Variants in AQP3 observed in about 807,000 individuals in gnomAD.
AQP3 encodes the protein aquaporin-3.
AQP3 carries 15 observed loss-of-function variants against 30.3 expected under a neutral mutation model. That is an observed-to-expected ratio of 0.49 (90% CI 0.33 to 0.76). The LOEUF (loss-of-function observed/expected upper bound fraction) is 0.76. Among genes scored for constraint, AQP3 ranks in the 30% least tolerant of loss-of-function variants. AQP3 has a pLI of 0.02. For missense variants in AQP3, 272 were observed against 384.8 expected, an observed-to-expected ratio of 0.71 and a Z score of 2.45; for synonymous variants, 153 against 163.2, an observed-to-expected ratio of 0.94 and a Z score of 0.47.
chr9:33,443,499 C>A lies in AQP3; in HGVS notation c.236-41G>T, dbSNP rs765905279. On this transcript the variant is annotated intron_variant, in intron 2 of 5. Coordinates refer to ENST00000297991, the MANE Select transcript of AQP3 (RefSeq NM_004925.5). The surrounding 1 kb of genome is among the most constrained non-coding windows in gnomAD (Gnocchi z 5.0). ...AAGGGACCTATTAGCTGCAGCCTGC[C>A]ACAGTCGGCAGGCTAGGGTCCCCTG... 2.5e-6 allele frequency: 4 copies of A among 1,601,496 alleles called. No homozygotes were observed. Among genetic ancestry groups the A allele is most frequent in the Non-Finnish European group, 3.4e-6 (4 of 1,174,312 alleles).
chr9:33,442,842 C>T lies in AQP3; in HGVS notation c.492+10G>A. The stretch of plus-strand genomic sequence containing the variant: ...TCCCTGCGTTCCCCTCACACGTCCC[C>T]AGCCCATACCTGGTCAAAGAAGCCA... On this transcript the variant is annotated intron_variant, in intron 4 of 5. Coordinates refer to ENST00000297991, the MANE Select transcript of AQP3 (RefSeq NM_004925.5). 1 of 1,612,376 alleles carries T rather than the reference C, an allele frequency of 6.2e-7. No homozygotes were observed. Among genetic ancestry groups the T allele is most frequent in the Non-Finnish European group, 8.5e-7 (1 of 1,178,376 alleles).
chr9:33,444,863 C>T (rs34391490), intron 1 of AQP3, among the ~76,000 whole-genome samples: 28,048 of 152,042 alleles, frequency 0.18, 2,922 homozygotes, highest in African/African-American at 0.28. Flanking sequence ...ATTTGGAGGT[C>T]CTACAGACAG....
Position 33,441,858 on chromosome 9 carries a change from T to A in AQP3, c.*185A>T. ...CCACCCCAGCTTAGGGGCAGTGGCC[T>A]AAGGTGCTATTTGGGCAAGGTCCAG... is the stretch of plus-strand genomic sequence containing the variant. On this transcript the variant is annotated 3_prime_UTR_variant, in exon 6 of 6. Coordinates refer to ENST00000297991, the MANE Select transcript of AQP3 (RefSeq NM_004925.5). The A allele has an allele frequency of 1.1e-6, 1 of 950,240 alleles. No individual in the cohort carries two copies. Among genetic ancestry groups the A allele is most frequent in the South Asian group, 1.6e-5 (1 of 63,788 alleles). 58.9% of individuals were successfully genotyped at this position (950,240 alleles called of 1,614,324 possible).
chr9:33,446,107 CTGGCTGCTCTAAAACAGG>C (rs1826909661), intron 1 of AQP3, among the ~76,000 whole-genome samples: 2 of 152,168 alleles, frequency 1.3e-5, no homozygotes, highest in African/African-American at 4.8e-5. Context: ...CTCCCCTAGC[CTGGCTGCTCTAAAACAGG>C]TGGCTGGACT....
At position 33,443,743 on chromosome 9, in the gene AQP3, TGG is replaced by T; in HGVS notation, c.235+21_235+22del. 6.2e-7 allele frequency: 1 copy of T among 1,613,768 alleles called. No individual in the cohort carries two copies. Among genetic ancestry groups the T allele is most frequent in the South Asian group, 1.1e-5 (1 of 90,954 alleles). On this transcript the variant is annotated intron_variant, in intron 2 of 5. Coordinates refer to ENST00000297991, the MANE Select transcript of AQP3 (RefSeq NM_004925.5). The surrounding 1 kb of genome is among the most constrained non-coding windows in gnomAD (Gnocchi z 5.0). ...GGGAATGCTATTGAGGGCCAAGGGC[TGG>T]GGGCAGGGTTAAGGCCTTACCAGAG...
In AQP3 at chr9:33,442,978, C is replaced by A. The variant is rs1231688623; in HGVS notation, c.374-8G>T. On this transcript the variant is annotated splice_polypyrimidine_tract_variant and splice_region_variant and intron_variant, in intron 3 of 5. Coordinates refer to ENST00000297991, the MANE Select transcript of AQP3 (RefSeq NM_004925.5). ...CGAAGTGCCAGATTGCATCTGGTGA[C>A]AGATTAGACACACAGTGAGTCGGGG... 1 of 1,611,856 alleles carries A rather than the reference C, an allele frequency of 6.2e-7. No homozygotes were observed. Among genetic ancestry groups the A allele is most frequent in the Admixed American group, 1.7e-5 (1 of 60,026 alleles).
chr9:33,444,641 TG>T (rs1267511415), intron 1 of AQP3, among the ~76,000 whole-genome samples: 1 of 147,404 alleles, frequency 6.8e-6, no homozygotes, highest in Admixed American at 6.8e-5. Context: ...GCTCATGTGG[TG>T]GTGGTAGTGG....
chr9:33,447,399 G>T, intron 1 of AQP3, 24 bp downstream of exon 1: 1 of 1,554,600 alleles, frequency 6.4e-7, no homozygotes, highest in Non-Finnish European at 8.8e-7. Flanking sequence ...AGAGAGAAGG[G>T]CTTCCCCGGC....
rs1229815798 is a variant in AQP3 at position 33,441,964 on chromosome 9, G to C, written c.*79C>G. ...CCTGAAAGGGTGGATCGTGAAGGGG[G>C]CTTCTTGGGAGTGGCCCTTGGACAG... is the stretch of plus-strand genomic sequence containing the variant. On this transcript the variant is annotated 3_prime_UTR_variant, in exon 6 of 6. Coordinates refer to ENST00000297991, the MANE Select transcript of AQP3 (RefSeq NM_004925.5). 1.3e-6 allele frequency: 2 copies of C among 1,571,794 alleles called. No homozygotes were observed. Among genetic ancestry groups the C allele is most frequent in the Admixed American group, 3.5e-5 (2 of 57,836 alleles).
intron 1 of AQP3, 120 bp downstream of exon 1, chr9:33,447,303 G>A: frequency 1.1e-6 from 1 of 870,194 alleles, no homozygotes; most frequent in Non-Finnish European, 1.9e-6. Flanking sequence ...TAAGCGTGGG[G>A]GTCACAGCTG....
chr9:33,443,602 C>T lies in AQP3; in HGVS notation c.236-144G>A. ...ACAGGTCAGCTGATAATCTCTGATT[C>T]CAAGGTGAGAGTCGAAAGTTCTAAG... On this transcript the variant is annotated intron_variant, in intron 2 of 5. Transcript: ENST00000297991. This position sits in a 1 kb window ranked among gnomAD's most constrained non-coding sequence, Gnocchi z 5.0. 1 of 1,453,838 alleles carries T rather than the reference C, an allele frequency of 6.9e-7. No individual in the cohort carries two copies. The highest frequency in any genetic ancestry group is 9.4e-7 in the Non-Finnish European group (1 of 1,063,008). 90.1% of individuals were successfully genotyped at this position (1,453,838 alleles called of 1,614,324 possible).
chr9:33,442,788 C>T, intron 4 of AQP3, 64 bp downstream of exon 4: 1 of 1,490,224 alleles, frequency 6.7e-7, no homozygotes, highest in South Asian at 1.1e-5. Context: ...CCCAACCAGC[C>T]CATGAGCTAC....
Position 33,441,633 on chromosome 9 carries a change from T to C in AQP3, c.*410A>G. 2.7e-6 allele frequency: 1 copy of C among 365,668 alleles called. No individual in the cohort carries two copies. Among genetic ancestry groups the C allele is most frequent in the Non-Finnish European group, 4.9e-6 (1 of 202,726 alleles). 22.7% of individuals were successfully genotyped at this position (365,668 alleles called of 1,614,324 possible). On this transcript the variant is annotated 3_prime_UTR_variant, in exon 6 of 6. Transcript: ENST00000297991. The stretch of plus-strand genomic sequence containing the variant: ...CTTATGCACAGATGGACAGGCTGCC[T>C]TCCCCTGTCTCTGGGCTCCCCCAAT...
Position 33,442,327 on chromosome 9 carries a change from A to T in AQP3, c.684T>A (p.Leu228=). ...TGAAGACTGCAGAGCCCCAGCCCGC[A>T]AGGGCTGTAAAAAGGCGGGGGCCAA... ...RDFGPRLFTA[L]AGWGSAVFTT... is the part of the protein sequence containing the mutation. The change falls in exon 5 of 6, where the codon CTT becomes CTA. Residue 228 remains leucine (L), a synonymous_variant. Transcript: ENST00000297991. The T allele has an allele frequency of 6.2e-7, 1 of 1,613,100 alleles. No individual in the cohort carries two copies. The highest frequency in any genetic ancestry group is 8.5e-7 in the Non-Finnish European group (1 of 1,179,686).
At position 33,443,988 on chromosome 9, in the gene AQP3, T is replaced by TG. The variant is rs1826880097; in HGVS notation, c.109-97dup. 6.7e-7 allele frequency: 1 copy of TG among 1,494,532 alleles called. No homozygotes were observed. Among genetic ancestry groups the TG allele is most frequent in the African/African-American group, 1.4e-5 (1 of 72,404 alleles). 92.6% of individuals were successfully genotyped at this position (1,494,532 alleles called of 1,614,324 possible). On this transcript the variant is annotated intron_variant, in intron 1 of 5. Transcript: ENST00000297991. The surrounding 1 kb of genome is among the most constrained non-coding windows in gnomAD (Gnocchi z 5.0). ...CAGCAACATGCCCACTCGCCACCAC[T>TG]GGGAGGACTAGAGGCGCTTCCTGGA...
Position 33,443,569 on chromosome 9 carries a change from T to C in AQP3, c.236-111A>G. Reference sequence around the variant, plus strand: ...GTTTCTTGCACAGGATGGCGGTTGGTCTATGTAACAGGTCAGCTGATAATC... The same window carrying C: ...GTTTCTTGCACAGGATGGCGGTTGGCCTATGTAACAGGTCAGCTGATAATC... On this transcript the variant is annotated intron_variant, in intron 2 of 5. Transcript: ENST00000297991. This position sits in a 1 kb window ranked among gnomAD's most constrained non-coding sequence, Gnocchi z 5.0. The C allele has an allele frequency of 6.7e-7, 1 of 1,484,306 alleles. No homozygotes were observed. Among genetic ancestry groups the C allele is most frequent in the Non-Finnish European group, 9.2e-7 (1 of 1,089,898 alleles). The allele number at this position is 1,484,306 out of a possible 1,614,324, so 91.9% of individuals were successfully genotyped here. A position where few individuals can be genotyped will look rare whatever the true frequency, so the allele number is the denominator to read the frequency against.
intron 4 of AQP3, 88 bp from the exon 5 acceptor site, chr9:33,442,606 A>C: frequency 7.3e-7 from 1 of 1,378,830 alleles, no homozygotes. Flanking sequence ...CTAGCTCTTA[A>C]ACTCTTGTCA....
rs758910108 is a variant in AQP3 at position 33,443,503 on chromosome 9, G to T, written c.236-45C>A. 4 of 1,599,336 alleles carry T rather than the reference G, an allele frequency of 2.5e-6. No homozygotes were observed. In the Admixed American group the frequency reaches 5.2e-5, roughly 21 times the overall value. ...GACCTATTAGCTGCAGCCTGCCACA[G>T]TCGGCAGGCTAGGGTCCCCTGAGAA... On this transcript the variant is annotated intron_variant, in intron 2 of 5. Transcript: ENST00000297991. This position sits in a 1 kb window ranked among gnomAD's most constrained non-coding sequence, Gnocchi z 5.0.
In AQP3 at chr9:33,442,413, GGA is replaced by G; in HGVS notation, c.596_597del (p.Val199AlafsTer112). 1 of 1,611,846 alleles carries G rather than the reference GGA, an allele frequency of 6.2e-7. No homozygotes were observed. Among genetic ancestry groups the G allele is most frequent in the Non-Finnish European group, 8.5e-7 (1 of 1,179,364 alleles). On this transcript the variant is annotated frameshift_variant, in exon 5 of 6. Coordinates refer to ENST00000297991, the MANE Select transcript of AQP3 (RefSeq NM_004925.5). LOFTEE classifies it high-confidence loss of function. ...AAGCCCATGGAGGTGCCAATGACCA[GGA>G]CCACCAGGCCCACGGTGAAGGCCTC... ...GLEAFTVGLV[V>X]LVIGTSMGFN...
Sources: gnomAD v4.1 joint callset for allele counts (sites outside exome capture counted in the v4.1 genomes callset) on GRCh38, gnomAD v4.1.1 for gene constraint, Gnocchi (gnomAD v3.1) non-coding constraint, MANE v1.5 for transcripts, NCBI Gene and HGNC (gene_info 2026-07-23, HGNC 2026-07-21) for gene names.